The following BANK1 variants were observed in gnomAD, a reference collection of about 807,000 sequenced individuals.
The protein encoded by BANK1 is B-cell scaffold protein with ankyrin repeats.
In BANK1, 95 loss-of-function variants were observed where a neutral mutation model predicts 94.5. The ratio of observed to expected loss-of-function variants is 1.00; its 90% confidence interval spans 0.85 to 1.19. BANK1 has a LOEUF of 1.19. Ranked by LOEUF, BANK1 falls within the 50% of genes most tolerant of loss-of-function variation. The pLI is 0.00. For missense variants in BANK1, 987 were observed against 932.2 expected, an observed-to-expected ratio of 1.06 and a Z score of -0.77; for synonymous variants, 334 against 308.4, an observed-to-expected ratio of 1.08 and a Z score of -0.87.
At chr4:101,810,465 A>T (rs1725702909) in intron 1 of BANK1, among the ~76,000 whole-genome samples, 2 of 152,326 alleles carry the variant, frequency 1.3e-5, no homozygotes, top group South Asian at 4.1e-4. Context: ...GTTAAAAAGA[A>T]AAATAGATGT....
intron 7 of BANK1, among the ~76,000 whole-genome samples, chr4:101,924,384 T>C (rs1332662971): frequency 6.6e-6 from 1 of 151,846 alleles, no homozygotes; most frequent in African/African-American, 2.4e-5. Flanking sequence ...TGTTTTGCTA[T>C]GTAATAAATG....
chr4:101,986,742 G>A (rs1429782581), intron 7 of BANK1, among the ~76,000 whole-genome samples: 5 of 148,006 alleles, frequency 3.4e-5, no homozygotes, highest in African/African-American at 1.2e-4. Flanking sequence ...TTCTTCTAAT[G>A]TGATTGATCC....
At chr4:101,986,899 GTATATA>G (rs1166018412) in intron 7 of BANK1, among the ~76,000 whole-genome samples, 16 of 82,666 alleles carry the variant, frequency 1.9e-4, no homozygotes, top group East Asian at 1.1e-3. Context: ...GTGTGTGTGT[GTATATA>G]TATATATATA....
intron 7 of BANK1, among the ~76,000 whole-genome samples, chr4:101,938,175 C>T (rs1257784588): frequency 3.3e-5 from 5 of 151,634 alleles, no homozygotes; most frequent in African/African-American, 9.7e-5. Flanking sequence ...CACCATGGCA[C>T]GTGTATACCT....
chr4:101,869,560 C>A (rs1343096357), intron 4 of BANK1, among the ~76,000 whole-genome samples: 1 of 151,828 alleles, frequency 6.6e-6, no homozygotes, highest in Non-Finnish European at 1.5e-5. Context: ...TTTCCCTCAG[C>A]AATATTATAA....
At chr4:101,840,051 C>T (rs1304570752) in intron 2 of BANK1, among the ~76,000 whole-genome samples, 1 of 132,884 alleles carries the variant, frequency 7.5e-6, no homozygotes, top group African/African-American at 2.8e-5. Context: ...TCACTGCAAG[C>T]TCCGCCTCCC....
At chr4:101,797,729 A>G (rs1725207469) in intron 1 of BANK1, among the ~76,000 whole-genome samples, 1 of 152,210 alleles carries the variant, frequency 6.6e-6, no homozygotes, top group Non-Finnish European at 1.5e-5. Flanking sequence ...CCGGGAGGGC[A>G]TGAGAGAATG....
At chr4:102,015,009 T>G (rs1726645279) in intron 7 of BANK1, among the ~76,000 whole-genome samples, 1 of 141,744 alleles carries the variant, frequency 7.1e-6, no homozygotes, top group South Asian at 2.1e-4. Flanking sequence ...CATTTTTCTA[T>G]CTTTCTTGTT....
At chr4:101,875,207 CAG>C (rs10600502) in intron 5 of BANK1, among the ~76,000 whole-genome samples, 66,433 of 151,678 alleles carry the variant, frequency 0.44, 15,342 homozygotes, top group African/African-American at 0.59. Flanking sequence ...AGGTGTGGTG[CAG>C]AGACTGTTTC....
intron 6 of BANK1, among the ~76,000 whole-genome samples, chr4:101,915,327 C>G (rs1385906195): frequency 5.9e-5 from 9 of 152,016 alleles, no homozygotes; most frequent in Admixed American, 5.9e-4. Context: ...CTCCAAAGTC[C>G]TAATGCTTAA....
chr4:102,057,989 T>G (rs2148962576), intron 11 of BANK1, among the ~76,000 whole-genome samples: 1 of 152,324 alleles, frequency 6.6e-6, no homozygotes, highest in East Asian at 1.9e-4. Flanking sequence ...TTAACGTGTA[T>G]ATAATTTTGT....
intron 5 of BANK1, among the ~76,000 whole-genome samples, chr4:101,894,083 C>T (rs1252823479): frequency 1.3e-5 from 2 of 152,010 alleles, no homozygotes; most frequent in Non-Finnish European, 2.9e-5. Flanking sequence ...CCAGTTCTTT[C>T]TTCGTGCAAT....
In BANK1 at chr4:101,818,157, A is replaced by G. The variant is rs141861727; in HGVS notation, c.71-11651A>G. Among the ~76,000 whole-genome samples, 1,200 of 152,328 alleles carry G rather than the reference A, an allele frequency of 7.9e-3. 19 individuals are homozygous for G. Among genetic ancestry groups the G allele is most frequent in the African/African-American group, 0.027 (1,128 of 41,568 alleles). On this transcript the variant is annotated intron_variant, in intron 1 of 16. Coordinates refer to ENST00000322953, the MANE Select transcript of BANK1 (RefSeq NM_017935.5). ...GCATATAGATATGGTCAGTATTTAT[A>G]CAGATGTTATTATGACATGGGGCAT...
At chr4:101,922,511 T>C (rs943381368) in intron 7 of BANK1, among the ~76,000 whole-genome samples, 2 of 151,850 alleles carry the variant, frequency 1.3e-5, no homozygotes, top group Non-Finnish European at 2.9e-5. Context: ...TTCTCGTTGA[T>C]GGTACAGAAG....
At position 102,035,092 on chromosome 4, in the gene BANK1, T is replaced by A. The variant is rs191953031; in HGVS notation, c.1900+4827T>A. Among the ~76,000 whole-genome samples, 197 of 152,250 alleles carry A rather than the reference T, an allele frequency of 1.3e-3. 3 individuals carry two copies. The highest frequency in any genetic ancestry group is 2.9e-3 in the Admixed American group (45 of 15,292). On this transcript the variant is annotated intron_variant, in intron 10 of 16. Transcript: ENST00000322953. Reference sequence around the variant, plus strand: ...GTGACAAGATCCACATCAGTGTGGGTAGAACAGAAGACTTCATTAACACTC... The same window carrying A: ...GTGACAAGATCCACATCAGTGTGGGAAGAACAGAAGACTTCATTAACACTC...
chr4:101,889,604 CAAAAAAAA>C (rs59341810), intron 5 of BANK1, among the ~76,000 whole-genome samples: 1 of 54,928 alleles, frequency 1.8e-5, no homozygotes, highest in South Asian at 1.0e-3. Context: ...GACTCCGTCT[CAAAAAAAA>C]AAAAAAAAAA....
intron 10 of BANK1, among the ~76,000 whole-genome samples, chr4:102,040,385 ATTG>A (rs1207352775): frequency 6.6e-6 from 1 of 151,994 alleles, no homozygotes; most frequent in African/African-American, 2.4e-5. Flanking sequence ...AACCGCAAAA[ATTG>A]TTTTGTTTTG....
At chr4:101,923,604 A>G (rs1386969579) in intron 7 of BANK1, among the ~76,000 whole-genome samples, 2 of 151,856 alleles carry the variant, frequency 1.3e-5, no homozygotes, top group African/African-American at 4.8e-5. Context: ...ATTAAAAGGC[A>G]GTGTCATAGC....
At chr4:101,857,298 T>G (rs4698972) in intron 3 of BANK1, among the ~76,000 whole-genome samples, 1 of 151,954 alleles carries the variant, frequency 6.6e-6, no homozygotes, top group South Asian at 2.1e-4. Flanking sequence ...ATCTTCAAAC[T>G]GTGTTAATTT....
Sources: allele counts gnomAD v4.1 joint callset (sites outside exome capture counted in the v4.1 genomes callset), GRCh38; gene constraint gnomAD v4.1.1; transcripts MANE v1.5; gene names NCBI Gene and HGNC (gene_info 2026-07-23, HGNC 2026-07-21).